Variants in CBFA2T3 observed in about 807,000 individuals in gnomAD.
The protein encoded by CBFA2T3 is CBFA2/RUNX1 partner transcriptional co-repressor 3.
In CBFA2T3, 31 loss-of-function variants were observed where a neutral mutation model predicts 58.6. The observed-to-expected ratio is 0.53, with a 90% CI of 0.40 to 0.71. The LOEUF (loss-of-function observed/expected upper bound fraction) is 0.71, where lower values mean the gene tolerates loss of function less well. Among genes scored for constraint, CBFA2T3 ranks in the 30% least tolerant of loss-of-function variants. CBFA2T3 has a pLI of 0.00. For missense variants in CBFA2T3, 1,076 were observed against 963.1 expected (o/e 1.12, Z -1.55); for synonymous variants, 531 against 421.9 (o/e 1.26, Z -3.17).
At position 88,895,366 on chromosome 16, in the gene CBFA2T3, G is replaced by A. The variant is rs75444361; in HGVS notation, c.379+2712C>T. 7.0e-3 allele frequency among the ~76,000 whole-genome samples: 1,066 copies of A among 152,268 alleles called. 48 individuals are homozygous for A. The East Asian group carries it at 0.11, about 16-fold the overall frequency. On this transcript the variant is annotated intron_variant, in intron 3 of 11. Transcript: ENST00000268679. ...CGACCCGTGGTCTAGTGGCACCTGC[G>A]AAGTGCGCCCGGGTCAGGAAGCTGT...
intron 1 of CBFA2T3, chr16:88,941,042 G>T: frequency 1.0e-6 from 1 of 985,564 alleles, no homozygotes; most frequent in Non-Finnish European, 1.2e-6. Flanking sequence ...CGGGGGATCC[G>T]GCGGGCGGCG....
At chr16:88,935,571 C>A (rs1428445833) in intron 1 of CBFA2T3, among the ~76,000 whole-genome samples, 6 of 152,328 alleles carry the variant, frequency 3.9e-5, no homozygotes, top group Non-Finnish European at 8.8e-5. Context: ...AGCTTGCAGG[C>A]TGTCCTCGCG....
Position 88,885,901 on chromosome 16 carries a change from A to G in CBFA2T3, c.893+60T>C. On this transcript the variant is annotated intron_variant, in intron 6 of 11. Coordinates refer to ENST00000268679, the MANE Select transcript of CBFA2T3 (RefSeq NM_005187.6). This position sits in a 1 kb window ranked among gnomAD's most constrained non-coding sequence, Gnocchi z 5.3. The stretch of plus-strand genomic sequence containing the variant: ...AGGTTCCCTCTCTTACCCAGAGGGG[A>G]GCAGGGTGAGCCGCGTGTCCACGGC... 7.0e-7 allele frequency: 1 copy of G among 1,424,146 alleles called. No homozygotes were observed. The highest frequency in any genetic ancestry group is 9.6e-7 in the Non-Finnish European group (1 of 1,042,288). 88.2% of individuals were successfully genotyped at this position (1,424,146 alleles called of 1,614,324 possible).
chr16:88,964,055 A>G (rs779964433), intron 1 of CBFA2T3, among the ~76,000 whole-genome samples: 23 of 152,204 alleles, frequency 1.5e-4, no homozygotes, highest in Non-Finnish European at 3.2e-4. Context: ...GCACAGCTCT[A>G]TGGGGGTCTT....
chr16:88,925,624 G>A (rs1971061682), intron 1 of CBFA2T3, among the ~76,000 whole-genome samples: 1 of 152,206 alleles, frequency 6.6e-6, no homozygotes. Context: ...AGGCCACCTG[G>A]ATGACTCTGA....
intron 1 of CBFA2T3, among the ~76,000 whole-genome samples, chr16:88,974,651 C>G (rs564366072): frequency 6.6e-6 from 1 of 152,204 alleles, no homozygotes; most frequent in Non-Finnish European, 1.5e-5. Flanking sequence ...TAAAGCCAAT[C>G]GGCCTGTTTT....
At chr16:88,938,807 C>T (rs966933818) in intron 1 of CBFA2T3, 2 of 152,248 alleles carry the variant, frequency 1.3e-5, no homozygotes, top group African/African-American at 4.8e-5. Flanking sequence ...CACCATCCTT[C>T]CACCCTGGCA....
intron 1 of CBFA2T3, among the ~76,000 whole-genome samples, chr16:88,909,946 C>G (rs910704082): frequency 1.3e-5 from 2 of 152,186 alleles, no homozygotes; most frequent in Non-Finnish European, 2.9e-5. Context: ...ACCAGAGGGA[C>G]GAGCCACCCT....
In CBFA2T3 at chr16:88,879,388, T is replaced by C. The variant is rs200353323; in HGVS notation, c.1544A>G (p.Lys515Arg). ...CTCCGTGGTGATGAGCTCGTGCGCT[T>C]TGCGCTCCGCGTCCGACACGGCTTT... is the stretch of plus-strand genomic sequence containing the variant. ...LQKAVSDAER[K>R]AHELITTERA... The change falls in exon 11 of 12, where the codon AAA (lysine) becomes AGA (arginine). Residue 515 changes from lysine to arginine, a missense_variant. By Grantham distance (26) the Lys-to-Arg change is conservative (BLOSUM62 2). Coordinates refer to ENST00000268679, the MANE Select transcript of CBFA2T3 (RefSeq NM_005187.6). The C allele has an allele frequency of 6.2e-7, 1 of 1,612,982 alleles. No homozygotes were observed. The highest frequency in any genetic ancestry group is 8.5e-7 in the Non-Finnish European group (1 of 1,179,746).
At chr16:88,880,975 T>C in intron 9 of CBFA2T3, 187 bp from the exon 10 acceptor site, 1 of 671,868 alleles carries the variant, frequency 1.5e-6, no homozygotes. Context: ...CGGGGGGCAT[T>C]GGAGCTGTGG....
In CBFA2T3 at chr16:88,916,378, A is replaced by G. The variant is rs536774671; in HGVS notation, c.152-14722T>C. Among the ~76,000 whole-genome samples, 553 of 150,808 alleles carry G rather than the reference A, an allele frequency of 3.7e-3. 1 individual carries two copies. Among genetic ancestry groups the G allele is most frequent in the African/African-American group, 0.013 (531 of 40,824 alleles). On this transcript the variant is annotated intron_variant, in intron 1 of 11. Coordinates refer to ENST00000268679, the MANE Select transcript of CBFA2T3 (RefSeq NM_005187.6). ...TCCGTGTATATGCACTTACACATAC[A>G]TGGGGGTGTATGTATTCATATGCGT...
chr16:88,931,505 G>A (rs1424895721), intron 1 of CBFA2T3, among the ~76,000 whole-genome samples: 3 of 152,140 alleles, frequency 2.0e-5, no homozygotes, highest in Non-Finnish European at 4.4e-5. Flanking sequence ...TGCCAAGGAC[G>A]AGCCAGAGGT....
intron 1 of CBFA2T3, among the ~76,000 whole-genome samples, chr16:88,948,610 C>G (rs1398599009): frequency 6.6e-6 from 1 of 152,230 alleles, no homozygotes; most frequent in Admixed American, 6.5e-5. Flanking sequence ...TTGGCTTTCT[C>G]CCCTGACTCA....
At chr16:88,889,965 G>A (rs1056966488) in intron 5 of CBFA2T3, among the ~76,000 whole-genome samples, 5 of 148,968 alleles carry the variant, frequency 3.4e-5, no homozygotes, top group Non-Finnish European at 6.0e-5. Flanking sequence ...TCCTCCTCCA[G>A]GGACGACGCC....
intron 1 of CBFA2T3, among the ~76,000 whole-genome samples, chr16:88,913,502 G>A (rs1243588746): frequency 1.3e-5 from 2 of 152,224 alleles, no homozygotes; most frequent in African/African-American, 2.4e-5. Flanking sequence ...AGGGACCTGA[G>A]AGACAATCAA....
At chr16:88,881,827 G>T (rs553649156) in intron 8 of CBFA2T3, among the ~76,000 whole-genome samples, 1 of 152,252 alleles carries the variant, frequency 6.6e-6, no homozygotes, top group African/African-American at 2.4e-5. Flanking sequence ...GAGGGCGAGG[G>T]GCGAGGCTGA....
At chr16:88,906,449 G>A (rs1167335072) in intron 1 of CBFA2T3, among the ~76,000 whole-genome samples, 1 of 152,192 alleles carries the variant, frequency 6.6e-6, no homozygotes, top group Non-Finnish European at 1.5e-5. Flanking sequence ...CCAGCCGCAA[G>A]ACGGCCCCGT....
chr16:88,966,022 G>A (rs1272209878), intron 1 of CBFA2T3, among the ~76,000 whole-genome samples: 4 of 152,346 alleles, frequency 2.6e-5, no homozygotes, highest in Middle Eastern at 6.8e-3. Flanking sequence ...ACCCCACAGA[G>A]CATGGGTGCA....
chr16:88,916,345 G>C (rs569306014), intron 1 of CBFA2T3, among the ~76,000 whole-genome samples: 25 of 150,782 alleles, frequency 1.7e-4, no homozygotes, highest in Admixed American at 4.7e-4. Flanking sequence ...TGTGTGCATG[G>C]GTGTGTGTCC....
Sources: gnomAD v4.1 joint callset for allele counts (sites outside exome capture counted in the v4.1 genomes callset) on GRCh38, gnomAD v4.1.1 for gene constraint, Gnocchi (gnomAD v3.1) non-coding constraint, MANE v1.5 for transcripts, NCBI Gene and HGNC (gene_info 2026-07-23, HGNC 2026-07-21) for gene names.